AIG1: variants seen among roughly 807,000 people sequenced by gnomAD.
The protein encoded by AIG1 is androgen induced 1.
AIG1 carries 23 observed loss-of-function variants against 31.4 expected under a neutral mutation model. The observed-to-expected ratio is 0.73, with a 90% CI of 0.53 to 1.04. AIG1 has a LOEUF of 1.04. Among genes scored for constraint, AIG1 ranks in the 50% least tolerant of loss-of-function variants. The pLI is 0.00. For synonymous variants in AIG1, 100 were observed against 110.5 expected (o/e 0.90, Z 0.60); for missense variants, 274 against 295.0 (o/e 0.93, Z 0.52).
upstream of AIG1, among the ~76,000 whole-genome samples, chr6:143,060,085 A>C (rs890644758): frequency 6.6e-6 from 1 of 152,242 alleles, no homozygotes; most frequent in Non-Finnish European, 1.5e-5. Context: ...TTGTGGCAGA[A>C]AGTTATTTGA....
Position 143,288,446 on chromosome 6 carries a change from T to A in AIG1, c.515+4221T>A, listed in dbSNP as rs1375884830. Reference sequence around the variant, plus strand: ...GTAGGCCTTAGTGAAGGGGACAAAATGGATCCTGGGTGTTTCCACTTATGG... The same window carrying A: ...GTAGGCCTTAGTGAAGGGGACAAAAAGGATCCTGGGTGTTTCCACTTATGG... On this transcript the variant is annotated intron_variant, in intron 4 of 5. Transcript: ENST00000357847. The surrounding 1 kb of genome is among the most constrained non-coding windows in gnomAD (Gnocchi z 4.4). 1.3e-5 allele frequency among the ~76,000 whole-genome samples: 2 copies of A among 152,054 alleles called. No individual in the cohort carries two copies. The highest frequency in any genetic ancestry group is 4.8e-5 in the African/African-American group (2 of 41,398).
chr6:143,234,311 A>C (rs1793659557), intron 3 of AIG1, among the ~76,000 whole-genome samples: 1 of 152,242 alleles, frequency 6.6e-6, no homozygotes, highest in African/African-American at 2.4e-5. Context: ...AAGAAGAAAA[A>C]GTAATGTTGC....
intron 4 of AIG1, among the ~76,000 whole-genome samples, chr6:143,290,041 A>G (rs1797947609): frequency 6.6e-6 from 1 of 152,038 alleles, no homozygotes. Context: ...GTTTGTGTAC[A>G]TTTTTCTGAT....
intron 3 of AIG1, among the ~76,000 whole-genome samples, chr6:143,274,526 T>C (rs894053128): frequency 2.0e-5 from 3 of 152,196 alleles, no homozygotes; most frequent in African/African-American, 7.2e-5. Context: ...TACTCCAAGA[T>C]CCTATACATG....
At chr6:143,159,913 C>A (rs1786174372) in intron 2 of AIG1, among the ~76,000 whole-genome samples, 1 of 152,130 alleles carries the variant, frequency 6.6e-6, no homozygotes, top group Non-Finnish European at 1.5e-5. Flanking sequence ...TAAAGATTAC[C>A]CTTCTGCAAC....
intron 3 of AIG1, among the ~76,000 whole-genome samples, chr6:143,277,890 C>T (rs1382906312): frequency 6.6e-6 from 1 of 152,186 alleles, no homozygotes; most frequent in East Asian, 1.9e-4. Context: ...GTGTTGTACA[C>T]TCTGATTATA....
chr6:143,276,720 TAGGAAGGG>T (rs1186236144), intron 3 of AIG1, among the ~76,000 whole-genome samples: 2 of 151,092 alleles, frequency 1.3e-5, no homozygotes, highest in Non-Finnish European at 2.9e-5. Flanking sequence ...ATGTCTCTAC[TAGGAAGGG>T]AGGGAGGGAG....
intron 3 of AIG1, among the ~76,000 whole-genome samples, chr6:143,192,350 A>G (rs1789863804): frequency 6.6e-6 from 1 of 152,192 alleles, no homozygotes. Context: ...CACGCCTGCA[A>G]TCCCAGCACT....
intron 4 of AIG1, among the ~76,000 whole-genome samples, chr6:143,304,513 T>C (rs1362217966): frequency 6.6e-6 from 1 of 152,222 alleles, no homozygotes; most frequent in African/African-American, 2.4e-5. Context: ...GTTCTATTTA[T>C]ATGCTGGATT....
At chr6:143,177,652 A>G (rs376302807) in intron 3 of AIG1, among the ~76,000 whole-genome samples, 1 of 152,182 alleles carries the variant, frequency 6.6e-6, no homozygotes, top group African/African-American at 2.4e-5. Flanking sequence ...GAGAGCAGGG[A>G]CACCAGGCAG....
intron 4 of AIG1, among the ~76,000 whole-genome samples, chr6:143,312,440 C>T (rs898883004): frequency 6.6e-6 from 1 of 151,920 alleles, no homozygotes; most frequent in Admixed American, 6.6e-5. Flanking sequence ...ACAAAGGTGC[C>T]AAAAACATAC....
chr6:143,090,924 A>G (rs1420599861), intron 1 of AIG1, among the ~76,000 whole-genome samples: 2 of 152,050 alleles, frequency 1.3e-5, no homozygotes, highest in Admixed American at 6.5e-5. Flanking sequence ...CCACAATAGA[A>G]CTTCTTTCAC....
At chr6:143,067,781 A>G (rs1490057761) in intron 1 of AIG1, among the ~76,000 whole-genome samples, 2 of 152,200 alleles carry the variant, frequency 1.3e-5, no homozygotes, top group South Asian at 2.1e-4. Context: ...TTGAGTACTC[A>G]GGGAACAAAA....
chr6:143,318,214 A>G (rs1775922632), intron 4 of AIG1, among the ~76,000 whole-genome samples: 1 of 152,138 alleles, frequency 6.6e-6, no homozygotes, highest in Non-Finnish European at 1.5e-5. Flanking sequence ...GAGGCATCAC[A>G]TTACCAGACT....
chr6:143,130,894 C>A (rs899050452), intron 1 of AIG1, among the ~76,000 whole-genome samples: 1 of 152,124 alleles, frequency 6.6e-6, no homozygotes, highest in East Asian at 1.9e-4. Context: ...CCTCAATAGA[C>A]CCCACTGTGT....
chr6:143,144,700 A>G (rs571085218), intron 2 of AIG1, among the ~76,000 whole-genome samples: 4 of 152,336 alleles, frequency 2.6e-5, no homozygotes, highest in African/African-American at 7.2e-5. Flanking sequence ...TGAATGATCT[A>G]TATGAATTAG....
At chr6:143,189,249 A>G (rs1457936903) in intron 3 of AIG1, 10 of 444,912 alleles carry the variant, frequency 2.2e-5, no homozygotes, top group African/African-American at 1.1e-4. Flanking sequence ...TGGGCTCACT[A>G]TGTTTCCCAA....
chr6:143,323,410 T>A (rs1776373925), intron 4 of AIG1, among the ~76,000 whole-genome samples: 1 of 152,098 alleles, frequency 6.6e-6, no homozygotes, highest in South Asian at 2.1e-4. Flanking sequence ...TGAAAAAAAA[T>A]TGGGACAGCT....
chr6:143,262,304 G>A (rs1476511293), intron 3 of AIG1, among the ~76,000 whole-genome samples: 1 of 152,138 alleles, frequency 6.6e-6, no homozygotes, highest in Non-Finnish European at 1.5e-5. Context: ...TCATTTCCAA[G>A]GTACTTTTTT....
Sources: allele counts gnomAD v4.1 joint callset (sites outside exome capture counted in the v4.1 genomes callset), GRCh38; gene constraint gnomAD v4.1.1; non-coding constraint Gnocchi (gnomAD v3.1); transcripts MANE v1.5; gene names NCBI Gene and HGNC (gene_info 2026-07-23, HGNC 2026-07-21).